Variants in SLC7A8 observed in about 807,000 individuals in gnomAD.
The protein encoded by SLC7A8 is large neutral amino acids transporter small subunit 2.
In SLC7A8, 30 loss-of-function variants were observed where a neutral mutation model predicts 51.2. The observed-to-expected ratio is 0.59, with a 90% confidence interval of 0.44 to 0.80. SLC7A8 has a LOEUF of 0.80. Among genes scored for constraint, SLC7A8 ranks in the 30% least tolerant of loss-of-function variants. The pLI is 0.00. For synonymous variants in SLC7A8, 257 were observed against 275.8 expected (o/e 0.93, Z 0.67); for missense variants, 612 against 674.4 (o/e 0.91, Z 1.03).
chr14:23,181,087 G>T (rs1378491032), intron 1 of SLC7A8, among the ~76,000 whole-genome samples: 1 of 152,184 alleles, frequency 6.6e-6, no homozygotes, highest in African/African-American at 2.4e-5. Flanking sequence ...GAGGCAGGAA[G>T]GATGTTTAAT....
Position 23,128,199 on chromosome 14 carries a change from G to A in SLC7A8, c.1264-3C>T. The A allele has an allele frequency of 6.2e-7, 1 of 1,614,034 alleles. No individual in the cohort carries two copies. ...ATGATGGGGAACAGCAGGTTGATCTGTGGAGCAGAGGCATGAGGCGTATGA... is the reference window on the plus strand; with the variant it reads ...ATGATGGGGAACAGCAGGTTGATCTATGGAGCAGAGGCATGAGGCGTATGA... On this transcript the variant is annotated splice_region_variant and splice_polypyrimidine_tract_variant and intron_variant, in intron 9 of 10. Transcript: ENST00000316902. The surrounding 1 kb of genome is among the most constrained non-coding windows in gnomAD (Gnocchi z 4.3).
rs1012828299 is a variant in SLC7A8 at position 23,140,566 on chromosome 14, G to A, written c.693C>T (p.Ile231=). The A allele has an allele frequency of 5.6e-6, 9 of 1,614,114 alleles. No homozygotes were observed. The highest frequency in any genetic ancestry group is 4.5e-5 in the East Asian group (2 of 44,884). Residue 231 remains isoleucine, a synonymous_variant, in exon 5 of 11, where the codon ATC becomes ATT. Coordinates refer to ENST00000316902, the MANE Select transcript of SLC7A8 (RefSeq NM_012244.4). The stretch of plus-strand genomic sequence containing the variant: ...GAAGGAAAGCCAGTGCGACGAGGCC[G>A]ATGTCAGGTTCCTGGAAATTCTCAA... ...NAFENFQEPD[I]GLVALAFLQG...
chr14:23,140,298 C>T (rs1027778644), intron 5 of SLC7A8, among the ~76,000 whole-genome samples, 173 bp downstream of exon 5: 1 of 152,110 alleles, frequency 6.6e-6, no homozygotes, highest in African/African-American at 2.4e-5. Flanking sequence ...GTGGGGTGAA[C>T]GGCAAATGGT....
chr14:23,132,277 C>T (rs1413715636), intron 7 of SLC7A8, among the ~76,000 whole-genome samples: 2 of 152,248 alleles, frequency 1.3e-5, no homozygotes, highest in East Asian at 1.9e-4. Context: ...GCTGGGACTA[C>T]AGGCGTGAGC....
In SLC7A8 at chr14:23,165,309, G is replaced by A. The variant is rs765572176; in HGVS notation, c.484C>T (p.Arg162Trp). 14 of 1,609,246 alleles carry A rather than the reference G, an allele frequency of 8.7e-6. No individual in the cohort carries two copies. The highest frequency in any genetic ancestry group is 3.3e-4 in the Middle Eastern group (2 of 6,010). Reference sequence around the variant, plus strand: ...CATAAGCAGATGGCAGCCAGGAGCCGAAGGCCAGACTCTGGGGGGAAGCAG... The same window carrying A: ...CATAAGCAGATGGCAGCCAGGAGCCAAAGGCCAGACTCTGGGGGGAAGCAG... Reference protein sequence around the residue: ...PTCFPPESGLRLLAAICLLLL... With the variant: ...PTCFPPESGLWLLAAICLLLL... The change falls in exon 3 of 11, where the codon CGG becomes TGG. Residue 162 changes from arginine to tryptophan, a missense_variant. Physicochemically the swap from Arg to Trp is moderately radical, Grantham distance 101. Coordinates refer to ENST00000316902, the MANE Select transcript of SLC7A8 (RefSeq NM_012244.4). This position sits in a 1 kb window ranked among gnomAD's most constrained non-coding sequence, Gnocchi z 4.2.
In SLC7A8 at chr14:23,182,833, C is replaced by A. The variant is rs1411911342; in HGVS notation, c.82G>T (p.Gly28Cys). The change falls in exon 1 of 11, where the codon GGT becomes TGT. Residue 28 changes from glycine (G) to cysteine (C), a missense_variant. Coordinates refer to ENST00000316902, the MANE Select transcript of SLC7A8 (RefSeq NM_012244.4). The part of the protein sequence containing the change: ...GGESDASPEA[G>C]SGGGGVALKK... Reference sequence around the variant, plus strand: ...AGGGCTACTCCGCCCCCTCCGGAACCAGCCTCGGGGCTGGCGTCCGACTCG... The same window carrying A: ...AGGGCTACTCCGCCCCCTCCGGAACAAGCCTCGGGGCTGGCGTCCGACTCG... 17 of 1,613,828 alleles carry A rather than the reference C, an allele frequency of 1.1e-5. No homozygotes were observed. The highest frequency in any genetic ancestry group is 1.2e-5 in the Non-Finnish European group (14 of 1,179,946).
At chr14:23,151,560 C>T (rs769838543) in intron 3 of SLC7A8, among the ~76,000 whole-genome samples, 11 of 151,892 alleles carry the variant, frequency 7.2e-5, no homozygotes, top group Non-Finnish European at 1.5e-4. Context: ...AGTTCGAGGC[C>T]AGCCTGGGCA....
chr14:23,128,047 G>C lies in SLC7A8; in HGVS notation c.1413C>G (p.His471Gln), dbSNP rs2048595204. 1.2e-6 allele frequency: 2 copies of C among 1,614,150 alleles called. No homozygotes were observed. The highest frequency in any genetic ancestry group is 8.5e-7 in the Non-Finnish European group (1 of 1,179,994). The change falls in exon 10 of 11, where the codon CAC (histidine) becomes CAG (glutamine). Residue 471 changes from histidine (H) to glutamine (Q), a missense_variant. By Grantham distance (24) the His-to-Gln change is conservative. Coordinates refer to ENST00000316902, the MANE Select transcript of SLC7A8 (RefSeq NM_012244.4). The surrounding 1 kb of genome is among the most constrained non-coding windows in gnomAD (Gnocchi z 4.3). ...TGAAGTCACTGAAACACTTGGGCTT[G>C]TGTTGCCAGTAAACACCCAGGAAAT... The part of the protein sequence containing the change: ...PVYFLGVYWQ[H>Q]KPKCFSDFIE...
At chr14:23,174,845 G>C (rs769874949) in intron 1 of SLC7A8, among the ~76,000 whole-genome samples, 1 of 152,162 alleles carries the variant, frequency 6.6e-6, no homozygotes, top group Admixed American at 6.5e-5. Flanking sequence ...TATGCTCAGC[G>C]GGGAGTTAAA....
Position 23,128,448 on chromosome 14 carries a change from C to T in SLC7A8, c.1264-252G>A. Reference sequence around the variant, plus strand: ...TTAGGGAGGAAACGATCCTCCTTGCCCATGTCCTCGCTCTTGGGTGTGGTT... The same window carrying T: ...TTAGGGAGGAAACGATCCTCCTTGCTCATGTCCTCGCTCTTGGGTGTGGTT... On this transcript the variant is annotated intron_variant, in intron 9 of 10. Coordinates refer to ENST00000316902, the MANE Select transcript of SLC7A8 (RefSeq NM_012244.4). The surrounding 1 kb of genome is among the most constrained non-coding windows in gnomAD (Gnocchi z 4.3). 1.5e-6 allele frequency: 2 copies of T among 1,303,822 alleles called. No individual in the cohort carries two copies. The highest frequency in any genetic ancestry group is 2.1e-6 in the Non-Finnish European group (2 of 956,098). The allele number at this position is 1,303,822 out of a possible 1,614,324, so 80.8% of individuals were successfully genotyped here.
chr14:23,135,262 AT>A (rs998924873), intron 7 of SLC7A8, among the ~76,000 whole-genome samples: 2 of 150,552 alleles, frequency 1.3e-5, no homozygotes, highest in Non-Finnish European at 1.5e-5. Flanking sequence ...TAATTTTTGT[AT>A]TTTTTTTAGT....
intron 1 of SLC7A8, among the ~76,000 whole-genome samples, chr14:23,181,384 G>A (rs1469273146): frequency 6.8e-6 from 1 of 146,252 alleles, no homozygotes; most frequent in South Asian, 2.2e-4. Flanking sequence ...TAGATGGCCT[G>A]GAAAACTTCC....
chr14:23,143,981 C>T (rs2048768121), intron 3 of SLC7A8, among the ~76,000 whole-genome samples: 1 of 152,230 alleles, frequency 6.6e-6, no homozygotes, highest in Non-Finnish European at 1.5e-5. Flanking sequence ...GCATATATTA[C>T]AATTTGTTCC....
chr14:23,134,377 C>T (rs1056933346), intron 7 of SLC7A8, among the ~76,000 whole-genome samples: 6 of 127,228 alleles, frequency 4.7e-5, no homozygotes, highest in African/African-American at 1.5e-4. Flanking sequence ...GTTGAGGCTG[C>T]AGTGAGCTGT....
At chr14:23,148,343 C>T (rs948819042) in intron 3 of SLC7A8, among the ~76,000 whole-genome samples, 6 of 152,190 alleles carry the variant, frequency 3.9e-5, no homozygotes, top group Non-Finnish European at 7.3e-5. Context: ...ATTCTCCTGC[C>T]TCAGCCTCCC....
At chr14:23,149,352 C>A (rs1477029539) in intron 3 of SLC7A8, among the ~76,000 whole-genome samples, 1 of 152,192 alleles carries the variant, frequency 6.6e-6, no homozygotes, top group Non-Finnish European at 1.5e-5. Flanking sequence ...CCCCCAGTCT[C>A]CCCTGTATTC....
At chr14:23,160,137 T>C (rs1031348159) in intron 3 of SLC7A8, among the ~76,000 whole-genome samples, 4 of 152,048 alleles carry the variant, frequency 2.6e-5, no homozygotes, top group African/African-American at 9.7e-5. Context: ...CAAAGGAAAA[T>C]GCAGAGTTGC....
At chr14:23,170,316 AG>A (rs2048969507) in intron 1 of SLC7A8, among the ~76,000 whole-genome samples, 1 of 152,200 alleles carries the variant, frequency 6.6e-6, no homozygotes, top group Non-Finnish European at 1.5e-5. Flanking sequence ...ACACTTTTCC[AG>A]TTGGGCTTTT....
chr14:23,139,697 C>A, intron 5 of SLC7A8, 150 bp from the exon 6 acceptor site: 1 of 978,940 alleles, frequency 1.0e-6, no homozygotes, highest in Non-Finnish European at 1.5e-6. Context: ...GGCTTTGTCT[C>A]AATATGGGCA....
Sources: gnomAD v4.1 joint callset for allele counts (sites outside exome capture counted in the v4.1 genomes callset) on GRCh38, gnomAD v4.1.1 for gene constraint, Gnocchi (gnomAD v3.1) non-coding constraint, MANE v1.5 for transcripts, NCBI Gene and HGNC (gene_info 2026-07-23, HGNC 2026-07-21) for gene names.